FGF13: variants seen among roughly 807,000 people sequenced by gnomAD.
The protein encoded by FGF13 is fibroblast growth factor homologous factor 2.
Under a neutral mutation model 19.5 loss-of-function variants are expected in FGF13, and 2 were observed. The observed-to-expected ratio is 0.10, with a 90% CI of 0.04 to 0.32. The LOEUF (loss-of-function observed/expected upper bound fraction) is 0.32, where lower values mean the gene tolerates loss of function less well. FGF13 is among the 10% of genes least tolerant of loss of function. The probability of loss-of-function intolerance (pLI) is 1.00; values close to 1 mark genes in which losing one functional copy is unlikely to be tolerated. For synonymous variants in FGF13, 72 were observed against 76.9 expected (o/e 0.94, Z 0.33); for missense variants, 113 against 192.7 (o/e 0.59, Z 2.45).
intron 1 of FGF13, among the ~76,000 whole-genome samples, chrX:139,174,319 T>C (rs985198050): frequency 1.2e-4 from 14 of 112,531 alleles, no homozygotes; most frequent in African/African-American, 4.5e-4. Flanking sequence ...GTCAGATGGA[T>C]AGAATGCAAA....
chrX:139,146,104 C>T (rs1291155766), intron 1 of FGF13, among the ~76,000 whole-genome samples: 3 of 111,482 alleles, frequency 2.7e-5, no homozygotes, highest in Admixed American at 9.5e-5. Context: ...GCAACAAAAG[C>T]CAAAATTGAC....
At chrX:139,137,335 A>T (rs2148237186) in intron 1 of FGF13, among the ~76,000 whole-genome samples, 1 of 112,281 alleles carries the variant, frequency 8.9e-6, no homozygotes, top group South Asian at 3.7e-4. Context: ...ACACACAAAC[A>T]AGCAACTGAA....
At chrX:138,984,628 AGG>A (rs2091984783) in intron 1 of FGF13, among the ~76,000 whole-genome samples, 1 of 82,199 alleles carries the variant, frequency 1.2e-5, no homozygotes, top group African/African-American at 4.4e-5. Flanking sequence ...GAGGAAGAGG[AGG>A]AGGAGGAGGA....
intron 1 of FGF13, among the ~76,000 whole-genome samples, chrX:139,185,101 GT>G (rs1020210470): frequency 2.7e-5 from 3 of 112,064 alleles, no homozygotes; most frequent in African/African-American, 9.7e-5. Flanking sequence ...TGCAGAATTC[GT>G]TTAGCTATCC....
intron 1 of FGF13, among the ~76,000 whole-genome samples, chrX:138,718,593 A>C (rs777780170): frequency 1.8e-5 from 2 of 112,059 alleles, no homozygotes; most frequent in Non-Finnish European, 3.8e-5. Flanking sequence ...AAGAATTTAT[A>C]TTTTTTAAAG....
intron 1 of FGF13, among the ~76,000 whole-genome samples, chrX:139,112,406 T>C (rs1195109165): frequency 4.5e-5 from 5 of 112,052 alleles, no homozygotes; most frequent in Non-Finnish European, 9.4e-5. Flanking sequence ...TCATATACTA[T>C]ACAATTGACT....
intron 1 of FGF13, among the ~76,000 whole-genome samples, chrX:138,886,052 T>C (rs1471032082): frequency 2.7e-5 from 3 of 111,946 alleles, no homozygotes; most frequent in African/African-American, 9.8e-5. Context: ...GTACAGTCAT[T>C]GCATCCACAT....
intron 3 of FGF13, among the ~76,000 whole-genome samples, chrX:138,818,469 T>G (rs1346643902): frequency 9.9e-6 from 1 of 101,395 alleles, no homozygotes; most frequent in Non-Finnish European, 2.0e-5. Flanking sequence ...ATCATACTCC[T>G]AAAGTTATAT....
At chrX:139,152,673 G>T (rs1416121700) in intron 1 of FGF13, among the ~76,000 whole-genome samples, 3 of 110,780 alleles carry the variant, frequency 2.7e-5, no homozygotes, top group Non-Finnish European at 5.7e-5. Context: ...CTGCCCAGGG[G>T]AAAAAAATCA....
intron 1 of FGF13, among the ~76,000 whole-genome samples, chrX:139,114,722 TA>T (rs1289554720): frequency 3.6e-5 from 4 of 112,113 alleles, no homozygotes; most frequent in Non-Finnish European, 5.6e-5. Flanking sequence ...TTCTCAATAT[TA>T]TATAAATGAT....
At chrX:139,165,999 G>C (rs886659743) in intron 1 of FGF13, among the ~76,000 whole-genome samples, 1 of 111,842 alleles carries the variant, frequency 8.9e-6, no homozygotes, top group African/African-American at 3.3e-5. Flanking sequence ...CCTTGTCTCA[G>C]ATAAAACTTT....
chrX:138,985,596 A>T (rs1285469679), intron 1 of FGF13, among the ~76,000 whole-genome samples: 1 of 112,003 alleles, frequency 8.9e-6, no homozygotes, highest in Non-Finnish European at 1.9e-5. Flanking sequence ...AAGTGCTTCC[A>T]GGTTTTGCAC....
chrX:138,625,490 TATATATACATATATATATATAATATA>T lies in FGF13; in HGVS notation c.*7334_*7359del, dbSNP rs1266516734. 100 of 90,484 alleles carry T rather than the reference TATATATACATATATATATATAATATA, an allele frequency of 1.1e-3. 1 individual carries two copies. The highest frequency in any genetic ancestry group is 4.8e-3 in the African/African-American group (94 of 19,751). The allele number at this position is 90,484 out of a possible 1,213,427, so 7.5% of individuals were successfully genotyped here. ...TATATACATATATATATATAATATA[TATATATACATATATATATATAATATA>T]ATATATATATATATCTTAGCCATAT... On this transcript the variant is annotated 3_prime_UTR_variant, in exon 5 of 5. Transcript: ENST00000315930.
intron 3 of FGF13, among the ~76,000 whole-genome samples, chrX:138,824,685 T>C (rs1181379018): frequency 9.0e-6 from 1 of 111,342 alleles, no homozygotes; most frequent in East Asian, 2.8e-4. Flanking sequence ...TTTACTAAAT[T>C]TTGCCTATAT....
chrX:138,760,211 C>A (rs528855948), intron 3 of FGF13, among the ~76,000 whole-genome samples: 1 of 111,932 alleles, frequency 8.9e-6, no homozygotes, highest in Admixed American at 9.5e-5. Context: ...CACATATTTA[C>A]CATCTTTCAA....
At chrX:138,977,934 A>G (rs887252065) in intron 1 of FGF13, among the ~76,000 whole-genome samples, 1 of 112,285 alleles carries the variant, frequency 8.9e-6, no homozygotes, top group Non-Finnish European at 1.9e-5. Flanking sequence ...TTAACTGTAC[A>G]TTAATTAATA....
chrX:138,778,558 C>A (rs981632888), intron 3 of FGF13, among the ~76,000 whole-genome samples: 1 of 112,342 alleles, frequency 8.9e-6, no homozygotes, highest in Non-Finnish European at 1.9e-5. Context: ...GGGTGACAGA[C>A]CGCACCTGGA....
In FGF13 at chrX:139,128,420, G is replaced by A. The variant is rs925806620; in HGVS notation, c.-113+74996C>T. ...CTTGGTTCTCTGGATCTCATACTCT[G>A]AATTTTTTCCAAGACCTTGAGGCTA... On this transcript the variant is annotated intron_variant, in intron 1 of 2. Transcript: ENST00000421460. 3.6e-5 allele frequency among the ~76,000 whole-genome samples: 4 copies of A among 111,826 alleles called. No homozygotes were observed. In the Admixed American group the frequency reaches 3.8e-4, roughly 11 times the overall value.
At chrX:139,068,637 T>C (rs1198606656) in intron 1 of FGF13, among the ~76,000 whole-genome samples, 1 of 109,412 alleles carries the variant, frequency 9.1e-6, no homozygotes, top group East Asian at 2.9e-4. Context: ...GTTCTTCCAT[T>C]TGTTTGTATC....
Sources: gnomAD v4.1 joint callset for allele counts (sites outside exome capture counted in the v4.1 genomes callset) on GRCh38, gnomAD v4.1.1 for gene constraint, MANE v1.5 for transcripts, NCBI Gene and HGNC (gene_info 2026-07-23, HGNC 2026-07-21) for gene names.